PLD1: variants seen among roughly 807,000 people sequenced by gnomAD.
The protein encoded by PLD1 is choline phosphatase 1.
PLD1 carries 112 observed loss-of-function variants against 137.1 expected under a neutral mutation model. The observed-to-expected ratio is 0.82, with a 90% CI of 0.70 to 0.96. PLD1 has a LOEUF of 0.96. PLD1 is among the 40% of genes least tolerant of loss of function. PLD1 has a pLI of 0.00. For synonymous variants in PLD1, 431 were observed against 454.7 expected, an observed-to-expected ratio of 0.95 and a Z score of 0.66; for missense variants, 1,321 against 1,342.0, an observed-to-expected ratio of 0.98 and a Z score of 0.24.
intron 19 of PLD1, among the ~76,000 whole-genome samples, chr3:171,665,909 A>G (rs1255509484): frequency 6.6e-6 from 1 of 152,204 alleles, no homozygotes; most frequent in Non-Finnish European, 1.5e-5. Flanking sequence ...AAAAAATGTC[A>G]TCATTTGTGG....
chr3:171,680,178 C>G (rs1420924512), intron 16 of PLD1, among the ~76,000 whole-genome samples: 1 of 151,716 alleles, frequency 6.6e-6, no homozygotes, highest in Non-Finnish European at 1.5e-5. Flanking sequence ...TTCTTCTTTC[C>G]TAGCTCCTCC....
At chr3:171,775,193 G>A (rs140133583) in intron 1 of PLD1, among the ~76,000 whole-genome samples, 12 of 149,720 alleles carry the variant, frequency 8.0e-5, no homozygotes, top group South Asian at 2.1e-4. Flanking sequence ...TTTCTTTGAC[G>A]TCAAAGATAT....
rs763391264 is a variant in PLD1 at position 171,644,923 on chromosome 3, G to A, written c.2530C>T (p.His844Tyr). ...GAGTTTTGGCACCTGTAGTTGAAGT[G>A]CATGATTGCCTGTAGAGCATTTCCT... ...GGGNALQAIM[H>Y]FNYRTMCRGE... Residue 844 changes from histidine (H) to tyrosine (Y), a missense_variant, in exon 22 of 27, where the codon CAC becomes TAC. Transcript: ENST00000351298. 2 of 1,608,388 alleles carry A rather than the reference G, an allele frequency of 1.2e-6. No homozygotes were observed. Among genetic ancestry groups the A allele is most frequent in the East Asian group, 2.2e-5 (1 of 44,860 alleles).
At chr3:171,685,898 C>G (rs1418693411) in intron 16 of PLD1, among the ~76,000 whole-genome samples, 7 of 152,146 alleles carry the variant, frequency 4.6e-5, no homozygotes, top group African/African-American at 1.7e-4. Flanking sequence ...GCAGACGGAT[C>G]ACTTGAGGTC....
intron 1 of PLD1, among the ~76,000 whole-genome samples, chr3:171,756,020 A>C (rs2108298640): frequency 6.6e-6 from 1 of 152,196 alleles, no homozygotes; most frequent in Middle Eastern, 3.4e-3. Context: ...CTCTTTCCTA[A>C]CTCTCTATAT....
chr3:171,636,348 G>A (rs1329615537), intron 23 of PLD1, among the ~76,000 whole-genome samples: 1 of 152,050 alleles, frequency 6.6e-6, no homozygotes, highest in Non-Finnish European at 1.5e-5. Flanking sequence ...TGTGTTGAAT[G>A]TATAGGTAAA....
chr3:171,775,261 T>C (rs1239351527), intron 1 of PLD1, among the ~76,000 whole-genome samples: 5 of 152,100 alleles, frequency 3.3e-5, no homozygotes, highest in Non-Finnish European at 7.4e-5. Flanking sequence ...TCTCAAAGTA[T>C]CATTTCCACT....
chr3:171,782,780 G>A (rs1722842466), intron 1 of PLD1, among the ~76,000 whole-genome samples: 2 of 152,172 alleles, frequency 1.3e-5, no homozygotes, highest in Admixed American at 6.5e-5. Context: ...CAAATCTGGA[G>A]GGAGATGAAG....
intron 23 of PLD1, among the ~76,000 whole-genome samples, chr3:171,628,914 G>C (rs1734387403): frequency 6.6e-6 from 1 of 150,388 alleles, no homozygotes; most frequent in Non-Finnish European, 1.5e-5. Context: ...CATACTGAAT[G>C]GGCAAAAACT....
At chr3:171,636,839 T>C (rs1425045836) in intron 23 of PLD1, among the ~76,000 whole-genome samples, 2 of 152,228 alleles carry the variant, frequency 1.3e-5, no homozygotes, top group Non-Finnish European at 2.9e-5. Flanking sequence ...TCACTGATCA[T>C]AGAGGGGAAA....
At chr3:171,607,000 T>C (rs1220507827) in intron 25 of PLD1, among the ~76,000 whole-genome samples, 1 of 152,216 alleles carries the variant, frequency 6.6e-6, no homozygotes, top group Non-Finnish European at 1.5e-5. Context: ...CATTATCAAC[T>C]CACGAAAAAG....
At chr3:171,616,227 A>G (rs1733100922) in intron 24 of PLD1, among the ~76,000 whole-genome samples, 1 of 152,162 alleles carries the variant, frequency 6.6e-6, no homozygotes, top group South Asian at 2.1e-4. Context: ...ATGGGTTGCA[A>G]ATATTTCAGT....
chr3:171,649,466 C>T (rs960861219), intron 21 of PLD1, among the ~76,000 whole-genome samples: 1 of 152,216 alleles, frequency 6.6e-6, no homozygotes, highest in Non-Finnish European at 1.5e-5. Flanking sequence ...TGTGTCCAAT[C>T]TGCCTCCTTG....
intron 1 of PLD1, among the ~76,000 whole-genome samples, chr3:171,763,970 C>T (rs1721631736): frequency 6.6e-6 from 1 of 151,220 alleles, no homozygotes; most frequent in African/African-American, 2.4e-5. Flanking sequence ...ATGGCATTAG[C>T]GTTTAGTTTT....
In PLD1 at chr3:171,639,848, C is replaced by CTA. The variant is rs148607591; in HGVS notation, c.2593+2990_2593+2991dup. ...TCTCTCTCTCTCTCTCTCTCTCTCTCTATATATATATATATATCTCCTATT... is the reference window on the plus strand; with the variant it reads ...TCTCTCTCTCTCTCTCTCTCTCTCTCTATATATATATATATATATCTCCTATT... On this transcript the variant is annotated intron_variant, in intron 23 of 26. Transcript: ENST00000351298. Among the ~76,000 whole-genome samples the CTA allele has an allele frequency of 7.7e-3, 845 of 110,114 alleles. 12 individuals are homozygous for CTA. Among genetic ancestry groups the CTA allele is most frequent in the African/African-American group, 0.021 (541 of 25,478 alleles). The allele number at this position is 110,114 out of a possible 152,430, so 72.2% of individuals were successfully genotyped here.
At chr3:171,789,823 A>G (rs1723149077) in intron 1 of PLD1, 1 of 152,226 alleles carries the variant, frequency 6.6e-6, no homozygotes, top group African/African-American at 2.4e-5. Flanking sequence ...ATGAAGAAAT[A>G]CTAACTGCTG....
At chr3:171,666,328 T>C (rs1366852152) in intron 19 of PLD1, 2 of 152,432 alleles carry the variant, frequency 1.3e-5, no homozygotes, top group Non-Finnish European at 2.9e-5. Context: ...ACATCTTACA[T>C]GGCAGCAGGG....
rs185640945 is a variant in PLD1 at position 171,777,350 on chromosome 3, C to T, written c.-32+33049G>A. Reference sequence around the variant, plus strand: ...TGTCTCAGGACACAGCACACCCATCCGCTGTAGGAAAGGCAGAGGTTTCGC... The same window carrying T: ...TGTCTCAGGACACAGCACACCCATCTGCTGTAGGAAAGGCAGAGGTTTCGC... On this transcript the variant is annotated intron_variant, in intron 1 of 26. Coordinates refer to ENST00000351298, the MANE Select transcript of PLD1 (RefSeq NM_002662.5). Among the ~76,000 whole-genome samples the T allele has an allele frequency of 4.2e-3, 638 of 152,308 alleles. 4 individuals are homozygous for T. Among genetic ancestry groups the T allele is most frequent in the Middle Eastern group, 0.01 (3 of 294 alleles).
In PLD1 at chr3:171,602,424, T is replaced by C. The variant is rs916568469; in HGVS notation, c.*654A>G. On this transcript the variant is annotated 3_prime_UTR_variant, in exon 27 of 27. Coordinates refer to ENST00000351298, the MANE Select transcript of PLD1 (RefSeq NM_002662.5). Reference sequence around the variant, plus strand: ...GAATTTATTCCTTCCTGTTGCTTAGTGGTGTCAAGATACAGTGTCAATGTT... The same window carrying C: ...GAATTTATTCCTTCCTGTTGCTTAGCGGTGTCAAGATACAGTGTCAATGTT... 2 of 152,454 alleles carry C rather than the reference T, an allele frequency of 1.3e-5. No homozygotes were observed. The highest frequency in any genetic ancestry group is 4.8e-5 in the African/African-American group (2 of 41,466). The allele number at this position is 152,454 out of a possible 1,614,324, so 9.4% of individuals were successfully genotyped here.
Sources: allele counts gnomAD v4.1 joint callset (sites outside exome capture counted in the v4.1 genomes callset), GRCh38; gene constraint gnomAD v4.1.1; transcripts MANE v1.5; gene names NCBI Gene and HGNC (gene_info 2026-07-23, HGNC 2026-07-21).